The following RNF38 variants were observed in gnomAD, a reference collection of about 807,000 sequenced individuals.
RNF38 encodes the protein ring finger protein 38.
RNF38 carries 15 observed loss-of-function variants against 67.2 expected under a neutral mutation model. The ratio of observed to expected loss-of-function variants is 0.22; its 90% confidence interval spans 0.15 to 0.34. The LOEUF (loss-of-function observed/expected upper bound fraction) is 0.34, where lower values mean the gene tolerates loss of function less well. Among genes scored for constraint, RNF38 ranks in the 10% least tolerant of loss-of-function variants. The probability of loss-of-function intolerance (pLI) is 1.00; values close to 1 mark genes in which losing one functional copy is unlikely to be tolerated. For synonymous variants in RNF38, 220 were observed against 218.8 expected (o/e 1.01, Z -0.05); for missense variants, 524 against 639.9 (o/e 0.82, Z 1.95).
intron 1 of RNF38, among the ~76,000 whole-genome samples, chr9:36,443,733 T>C (rs1213960077): frequency 6.6e-6 from 1 of 151,844 alleles, no homozygotes; most frequent in East Asian, 1.9e-4. Context: ...TGAAAAAAAA[T>C]AGGATGGTAA....
chr9:36,352,249 G>A (rs975046944), intron 8 of RNF38, among the ~76,000 whole-genome samples: 5 of 151,836 alleles, frequency 3.3e-5, no homozygotes, highest in South Asian at 2.1e-4. Context: ...GCAGTGAGCC[G>A]AGCCGAGGTG....
At chr9:36,375,556 A>G (rs1835726991) in intron 3 of RNF38, among the ~76,000 whole-genome samples, 1 of 152,232 alleles carries the variant, frequency 6.6e-6, no homozygotes, top group Non-Finnish European at 1.5e-5. Context: ...CAGAAGGAAA[A>G]GGAATGGAGT....
chr9:36,434,437 T>G (rs1055089023), intron 1 of RNF38, among the ~76,000 whole-genome samples: 1 of 151,968 alleles, frequency 6.6e-6, no homozygotes, highest in Non-Finnish European at 1.5e-5. Context: ...CAGGCTGGAG[T>G]GCAGTGGCAC....
chr9:36,393,783 C>A (rs1171949648), intron 1 of RNF38, among the ~76,000 whole-genome samples: 1 of 152,090 alleles, frequency 6.6e-6, no homozygotes, highest in African/African-American at 2.4e-5. Context: ...GAGTCCTTCC[C>A]AAGAGATTCT....
intron 1 of RNF38, among the ~76,000 whole-genome samples, chr9:36,455,360 C>G (rs1435007963): frequency 2.0e-5 from 3 of 151,976 alleles, no homozygotes; most frequent in Non-Finnish European, 4.4e-5. Flanking sequence ...CTGTGTCCAG[C>G]CTTGTAAATG....
At chr9:36,356,515 T>C (rs1834117344) in intron 5 of RNF38, 42 bp from the exon 6 acceptor site, 4 of 1,470,754 alleles carry the variant, frequency 2.7e-6, no homozygotes. Context: ...AATATCAGAA[T>C]ATATGATTAA....
chr9:36,431,128 C>T (rs1485727460), intron 1 of RNF38, among the ~76,000 whole-genome samples: 1 of 152,188 alleles, frequency 6.6e-6, no homozygotes, highest in Admixed American at 6.5e-5. Flanking sequence ...CCCAACACCC[C>T]TTCTTCTGAT....
At chr9:36,433,822 AAC>A (rs1479791290) in intron 1 of RNF38, among the ~76,000 whole-genome samples, 1 of 152,210 alleles carries the variant, frequency 6.6e-6, no homozygotes, top group African/African-American at 2.4e-5. Context: ...GAAGTTTGAT[AAC>A]ACACTATATT....
Position 36,351,171 on chromosome 9 carries a change from C to G in RNF38, c.1207G>C (p.Gly403Arg). ...LSMLPVPPAV[G>R]PTFSFELDVE... ...TCTAATTCAAAGCTGAAAGTTGGGC[C>G]CACTGCAGGTGGCACTGGAAGCATT... Residue 403 changes from glycine to arginine, a missense_variant, in exon 9 of 12, where the codon GGC (glycine) becomes CGC (arginine). This residue lies in a region of RNF38 where 461 missense variants were observed against 517.4 expected (regional missense o/e 0.89). Coordinates refer to ENST00000259605, the MANE Select transcript of RNF38 (RefSeq NM_022781.5). 1 of 1,613,080 alleles carries G rather than the reference C, an allele frequency of 6.2e-7. No homozygotes were observed. Among genetic ancestry groups the G allele is most frequent in the Non-Finnish European group, 8.5e-7 (1 of 1,179,522 alleles).
chr9:36,400,663 G>A (rs1346147906), upstream of RNF38: 6 of 985,664 alleles, frequency 6.1e-6, no homozygotes, highest in South Asian at 4.7e-5. Flanking sequence ...CAGATCCGCC[G>A]TCCGCGGGCC....
At chr9:36,423,667 C>CCCCTAGAGACCAGGTTTCTTTAGA (rs368932410) in intron 2 of RNF38, among the ~76,000 whole-genome samples, 6 of 102,560 alleles carry the variant, frequency 5.9e-5, no homozygotes, top group East Asian at 2.4e-4. Context: ...TGAAAAGCCC[C>CCCCTAGAGACCAGGTTTCTTTAGA]GGCCGGGCGC....
chr9:36,435,169 A>C (rs989477764), intron 1 of RNF38, among the ~76,000 whole-genome samples: 1 of 152,222 alleles, frequency 6.6e-6, no homozygotes, highest in Non-Finnish European at 1.5e-5. Flanking sequence ...GTCTAGGGAG[A>C]ACAACGAAGC....
rs1001108965 is a variant in RNF38, at chr9:36,336,514, T to C, written c.*3238A>G. ...CTTAGTAAAGCATTACTAGTAACTTTCATAAAAAATGTACAAACTTTGTTA... is the reference window on the plus strand; with the variant it reads ...CTTAGTAAAGCATTACTAGTAACTTCCATAAAAAATGTACAAACTTTGTTA... On this transcript the variant is annotated 3_prime_UTR_variant, in exon 12 of 12. Transcript: ENST00000259605. 6.6e-6 allele frequency: 1 copy of C among 152,604 alleles called. No individual in the cohort carries two copies. The highest frequency in any genetic ancestry group is 1.5e-5 in the Non-Finnish European group (1 of 68,036). The allele number at this position is 152,604 out of a possible 1,614,324, so 9.5% of individuals were successfully genotyped here.
At chr9:36,410,195 A>C (rs1169552332) in intron 2 of RNF38, among the ~76,000 whole-genome samples, 1 of 152,232 alleles carries the variant, frequency 6.6e-6, no homozygotes, top group East Asian at 1.9e-4. Context: ...GTAGATAAGA[A>C]AGGATAATGT....
chr9:36,341,882 T>G, intron 11 of RNF38, among the ~76,000 whole-genome samples: 2 of 151,472 alleles, frequency 1.3e-5, no homozygotes, highest in East Asian at 1.9e-4. Flanking sequence ...GCCCCTGCAA[T>G]AATTTCACTC....
chr9:36,418,233 G>T (rs1046081982), intron 2 of RNF38, among the ~76,000 whole-genome samples: 2 of 151,966 alleles, frequency 1.3e-5, no homozygotes, highest in African/African-American at 4.8e-5. Context: ...TTGCCATGTT[G>T]TCCAGGCTGG....
intron 1 of RNF38, among the ~76,000 whole-genome samples, chr9:36,391,340 T>A (rs1269773017): frequency 6.6e-6 from 1 of 152,146 alleles, no homozygotes; most frequent in Non-Finnish European, 1.5e-5. Context: ...GACTTGATTA[T>A]GGGTTAATCC....
chr9:36,400,446 G>C, upstream of RNF38: 1 of 1,071,296 alleles, frequency 9.3e-7, no homozygotes, highest in Non-Finnish European at 1.1e-6. Flanking sequence ...AGCGCCGGGC[G>C]GCCGAGGCAA....
intron 1 of RNF38, among the ~76,000 whole-genome samples, chr9:36,428,926 C>CTAGA (rs900790281): frequency 1.2e-4 from 18 of 152,300 alleles, no homozygotes; most frequent in African/African-American, 4.3e-4. Context: ...ATCCTAAAGA[C>CTAGA]TCTAATCTCA....
Sources: allele counts gnomAD v4.1 joint callset (sites outside exome capture counted in the v4.1 genomes callset), GRCh38; gene constraint gnomAD v4.1.1; regional missense constraint gnomAD v4.1.1; transcripts MANE v1.5; gene names NCBI Gene and HGNC (gene_info 2026-07-23, HGNC 2026-07-21).